The following SLC14A2 variants were observed in gnomAD, a reference collection of about 807,000 sequenced individuals.
SLC14A2 encodes the protein solute carrier family 14 member 2.
SLC14A2 carries 91 observed loss-of-function variants against 104.6 expected under a neutral mutation model. That is an observed-to-expected ratio of 0.87 (90% CI 0.73 to 1.04). The LOEUF is 1.04. SLC14A2 is among the 50% of genes least tolerant of loss of function. The pLI, the probability that SLC14A2 is intolerant of heterozygous loss-of-function variation, is 0.00. For missense variants in SLC14A2, 1,189 were observed against 1,156.0 expected (o/e 1.03, Z -0.41); for synonymous variants, 476 against 466.4 (o/e 1.02, Z -0.27).
chr18:45,632,567 G>A, intron 5 of SLC14A2, 89 bp downstream of exon 5: 1 of 1,443,210 alleles, frequency 6.9e-7, no homozygotes, highest in African/African-American at 1.4e-5. Flanking sequence ...ACATACACAT[G>A]TGGGACCCAG....
chr18:45,455,659 AAG>A (rs1355505869), intron 1 of SLC14A2, among the ~76,000 whole-genome samples: 1 of 139,718 alleles, frequency 7.2e-6, no homozygotes, highest in East Asian at 2.3e-4. Context: ...AATAATAATA[AAG>A]TAAAAAAAAA....
At chr18:45,529,172 T>A (rs1052691126) in intron 2 of SLC14A2, 31 of 152,232 alleles carry the variant, frequency 2.0e-4, no homozygotes, top group African/African-American at 7.0e-4. Context: ...TTGGGGCTGT[T>A]GGTTAGGCAG....
At chr18:45,175,416 T>TAAA in the SLC14A2 span, among the ~76,000 whole-genome samples, 426 of 151,508 alleles carry the variant, frequency 2.8e-3, 4 homozygotes, top group African/African-American at 9.8e-3. Context: ...AGAAAACGTT[T>TAAA]AAAAAAAAAT....
intron 1 of SLC14A2, among the ~76,000 whole-genome samples, chr18:45,448,380 G>T (rs2086804741): frequency 6.6e-6 from 1 of 152,154 alleles, no homozygotes; most frequent in African/African-American, 2.4e-5. Flanking sequence ...ATGAAAGAAG[G>T]TTAATTAATA....
At chr18:45,595,502 C>A (rs1359853597) in intron 2 of SLC14A2, among the ~76,000 whole-genome samples, 1 of 152,040 alleles carries the variant, frequency 6.6e-6, no homozygotes, top group African/African-American at 2.4e-5. Context: ...GACTGTCTTT[C>A]CACTTAACCA....
At chr18:45,357,728 G>T (rs914950965) in intron 1 of SLC14A2, among the ~76,000 whole-genome samples, 1 of 152,104 alleles carries the variant, frequency 6.6e-6, no homozygotes, top group Non-Finnish European at 1.5e-5. Flanking sequence ...ATCCCTCCAG[G>T]GCTCATGACC....
At chr18:45,512,205 G>C (rs1255579115) in intron 2 of SLC14A2, among the ~76,000 whole-genome samples, 1 of 152,128 alleles carries the variant, frequency 6.6e-6, no homozygotes, top group Admixed American at 6.5e-5. Flanking sequence ...AGCATCCCTG[G>C]GCAACAGATG....
Position 45,635,040 on chromosome 18 carries a change from A to C in SLC14A2, c.651-1950A>C, listed in dbSNP as rs2045397531. ...TTGTGGAAAACCAAGGAGAGGAAAA[A>C]AAAAAAGAAAATTGAATACACTCCT... On this transcript the variant is annotated intron_variant, in intron 5 of 19. Coordinates refer to ENST00000255226, the MANE Select transcript of SLC14A2 (RefSeq NM_007163.4). The C allele has an allele frequency of 8.6e-6, 3 of 349,268 alleles. No individual in the cohort carries two copies. In the Admixed American group the frequency reaches 1.2e-4, roughly 14 times the overall value. The allele number at this position is 349,268 out of a possible 1,614,324, so 21.6% of individuals were successfully genotyped here.
chr18:45,304,413 G>A (rs574668433), intron 1 of SLC14A2, among the ~76,000 whole-genome samples: 23 of 152,252 alleles, frequency 1.5e-4, no homozygotes, highest in South Asian at 1.5e-3. Flanking sequence ...CCAGCAATGC[G>A]GTTTTGTTTT....
chr18:45,302,474 G>A (rs1054299374), intron 1 of SLC14A2, among the ~76,000 whole-genome samples: 4 of 152,166 alleles, frequency 2.6e-5, no homozygotes, highest in Non-Finnish European at 4.4e-5. Flanking sequence ...GAAAGTTATG[G>A]ACAGAGGCCT....
intron 1 of SLC14A2, among the ~76,000 whole-genome samples, chr18:45,353,688 G>C (rs1306536683): frequency 1.3e-5 from 2 of 152,194 alleles, no homozygotes; most frequent in African/African-American, 4.8e-5. Context: ...AAGTGTGGAA[G>C]ATCCCTAGGG....
chr18:45,532,018 C>A (rs139203557), intron 2 of SLC14A2, among the ~76,000 whole-genome samples: 2 of 151,932 alleles, frequency 1.3e-5, no homozygotes, highest in African/African-American at 4.8e-5. Flanking sequence ...TGTAGATATG[C>A]GGCATTATTT....
intron 1 of SLC14A2, among the ~76,000 whole-genome samples, chr18:45,383,968 G>A (rs2085866567): frequency 1.3e-5 from 2 of 152,114 alleles, no homozygotes; most frequent in Admixed American, 6.5e-5. Context: ...TGGATTTGAA[G>A]AGAAAGACCA....
At chr18:45,382,161 C>T (rs2085845542) in intron 1 of SLC14A2, among the ~76,000 whole-genome samples, 1 of 152,140 alleles carries the variant, frequency 6.6e-6, no homozygotes, top group South Asian at 2.1e-4. Flanking sequence ...CCCAGATTCT[C>T]TAGCTCTGAA....
chr18:45,293,392 A>G (rs906170353), intron 1 of SLC14A2, among the ~76,000 whole-genome samples: 1 of 152,196 alleles, frequency 6.6e-6, no homozygotes, highest in African/African-American at 2.4e-5. Context: ...ACTTGTCTTC[A>G]TGAAGTTCAA....
intron 1 of SLC14A2, among the ~76,000 whole-genome samples, chr18:45,365,431 A>T (rs1937745441): frequency 6.6e-6 from 1 of 152,238 alleles, no homozygotes; most frequent in Admixed American, 6.5e-5. Context: ...TTTATTGAGC[A>T]CTTACTTTGT....
chr18:45,292,193 C>G (rs985840375), intron 1 of SLC14A2, among the ~76,000 whole-genome samples: 1 of 152,104 alleles, frequency 6.6e-6, no homozygotes, highest in South Asian at 2.1e-4. Flanking sequence ...ATGTCTTTTG[C>G]GGCAACCCCT....
Position 45,413,711 on chromosome 18 carries a change from G to C in SLC14A2, c.-124-69522G>C, listed in dbSNP as rs541207213. On this transcript the variant is annotated intron_variant, in intron 1 of 20. Transcript: ENST00000586448. ...GAAATTCTCTTTCTGCCAGTGCTGA[G>C]CCATGGTAGTTAATGTGTGGAGTTC... 3.9e-5 allele frequency among the ~76,000 whole-genome samples: 6 copies of C among 152,312 alleles called. No homozygotes were observed. In the East Asian group the frequency reaches 9.6e-4, roughly 24 times the overall value.
intron 10 of SLC14A2, among the ~76,000 whole-genome samples, chr18:45,648,874 G>A (rs1274932084): frequency 6.6e-6 from 1 of 151,892 alleles, no homozygotes; most frequent in Non-Finnish European, 1.5e-5. Context: ...AATTTGGAAG[G>A]TCCACTGTTG....
Sources: gnomAD v4.1 joint callset for allele counts (sites outside exome capture counted in the v4.1 genomes callset) on GRCh38, gnomAD v4.1.1 for gene constraint, MANE v1.5 for transcripts, NCBI Gene and HGNC (gene_info 2026-07-23, HGNC 2026-07-21) for gene names.